Variants in TOR1A observed in about 807,000 individuals in gnomAD.
The protein encoded by TOR1A is torsin family 1 member A.
A neutral mutation model predicts 31.4 loss-of-function variants in TOR1A; 18 were observed. The ratio of observed to expected loss-of-function variants is 0.57; its 90% CI spans 0.40 to 0.85. The LOEUF is 0.85. TOR1A is among the 40% of genes least tolerant of loss of function. The probability of loss-of-function intolerance (pLI) is 0.00; values close to 1 mark genes in which losing one functional copy is unlikely to be tolerated. For missense variants in TOR1A, 375 were observed against 416.4 expected (o/e 0.90, Z 0.87); for synonymous variants, 168 against 165.9 (o/e 1.01, Z -0.10).
At position 129,813,029 on chromosome 9, in the gene TOR1A, T is replaced by A. The variant is rs1393737038; in HGVS notation, c.*943A>T. 6.6e-6 allele frequency: 1 copy of A among 152,234 alleles called. No individual in the cohort carries two copies. Among genetic ancestry groups the A allele is most frequent in the Admixed American group, 6.5e-5 (1 of 15,278 alleles). The allele number at this position is 152,234 out of a possible 1,614,324, so 9.4% of individuals were successfully genotyped here. On this transcript the variant is annotated 3_prime_UTR_variant, in exon 5 of 5. Transcript: ENST00000351698. Reference sequence around the variant, plus strand: ...TCTCAGCATCCTCAGAAGGGGCAGCTAAGCTTTATAGGAGGTTTCGGGGAT... The same window carrying A: ...TCTCAGCATCCTCAGAAGGGGCAGCAAAGCTTTATAGGAGGTTTCGGGGAT...
In TOR1A at chr9:129,823,914, G is replaced by A. The variant is rs763279296; in HGVS notation, c.172C>T (p.Arg58Trp). The A allele has an allele frequency of 1.7e-6, 2 of 1,191,422 alleles. No individual in the cohort carries two copies. Among genetic ancestry groups the A allele is most frequent in the Non-Finnish European group, 2.3e-6 (2 of 882,780 alleles). The allele number at this position is 1,191,422 out of a possible 1,614,324, so 73.8% of individuals were successfully genotyped here. Residue 58 changes from arginine (R) to tryptophan (W), a missense_variant, in exon 1 of 5, where the codon CGG (arginine) becomes TGG (tryptophan). By Grantham distance (101) the Arg-to-Trp change is moderately radical. Transcript: ENST00000351698. ...ECCGQKRSLS[R>W]EALQKDLDDN... is the part of the protein sequence containing the mutation. The stretch of plus-strand genomic sequence containing the variant: ...AGCCCCCGCCCCAGCCTACCCTCCC[G>A]GCTAAGGCTCCGCTTCTGCCCGCAG...
chr9:129,817,335 G>A (rs1457853970), intron 4 of TOR1A, among the ~76,000 whole-genome samples: 1 of 152,204 alleles, frequency 6.6e-6, no homozygotes, highest in African/African-American at 2.4e-5. Flanking sequence ...CTCCCCCTGA[G>A]CTGCCCACGG....
rs1260567316 is a variant in TOR1A, at chr9:129,813,975, A to G, written c.996T>C (p.Asp332=). The G allele has an allele frequency of 4.3e-6, 7 of 1,613,930 alleles. No individual in the cohort carries two copies. The highest frequency in any genetic ancestry group is 4.0e-5 in the African/African-American group (3 of 74,912). ...VFTKLDYYYD[D] ...CTCCGGCTGCCAATCATGACTGTCA[A>G]TCATCGTAGTAATAATCTAACTTGG... The change falls in exon 5 of 5, where the codon GAT becomes GAC. Residue 332 remains aspartate (D), a synonymous_variant. Transcript: ENST00000351698.
intron 4 of TOR1A, among the ~76,000 whole-genome samples, chr9:129,814,517 A>C (rs1164105240): frequency 6.6e-6 from 1 of 151,198 alleles, no homozygotes; most frequent in Non-Finnish European, 1.5e-5. Context: ...ACACATACCT[A>C]CTGGGTGTGC....
At position 129,818,806 on chromosome 9, in the gene TOR1A, G is replaced by A. The variant is rs374442953; in HGVS notation, c.559C>T (p.Leu187Phe). The A allele has an allele frequency of 1.2e-6, 2 of 1,613,566 alleles. No individual in the cohort carries two copies. The highest frequency in any genetic ancestry group is 2.7e-5 in the African/African-American group (2 of 74,930). ...CCATCCACCAGGTCATAATAGTCGA[G>A]GAAAGGCTTGATGGCATCTATGAGG... The part of the protein sequence containing the change: ...AGLIDAIKPF[L>F]DYYDLVDGVS... Residue 187 changes from leucine to phenylalanine, a missense_variant, in exon 3 of 5, where the codon CTC (leucine) becomes TTC (phenylalanine). By Grantham distance (22) the Leu-to-Phe change is conservative. Transcript: ENST00000351698.
chr9:129,819,768 C>T (rs2031135983), intron 2 of TOR1A, among the ~76,000 whole-genome samples: 2 of 145,846 alleles, frequency 1.4e-5, no homozygotes, highest in African/African-American at 5.1e-5. Flanking sequence ...AAAAAAAATA[C>T]AAAAATTAGC....
chr9:129,823,582 TC>T, intron 1 of TOR1A: 1 of 266,246 alleles, frequency 3.8e-6, no homozygotes, highest in Non-Finnish European at 7.0e-6. Context: ...CCTACTGCCA[TC>T]CCCCAGCCTC....
intron 4 of TOR1A, among the ~76,000 whole-genome samples, chr9:129,815,949 T>C (rs7026799): frequency 1 from 151,784 of 152,182 alleles, 75,693 homozygotes; most frequent in Middle Eastern, 1. Flanking sequence ...CTGTCCTCCA[T>C]CCAGTTGCCA....
chr9:129,817,129 C>T (rs1002691709), intron 4 of TOR1A, among the ~76,000 whole-genome samples: 1 of 152,122 alleles, frequency 6.6e-6, no homozygotes, highest in Non-Finnish European at 1.5e-5. Flanking sequence ...TCAGAGATAC[C>T]GAACAGGCTG....
chr9:129,823,299 G>A (rs2031234857), intron 1 of TOR1A: 1 of 299,202 alleles, frequency 3.3e-6, no homozygotes, highest in Non-Finnish European at 6.5e-6. Context: ...GCGCAAAGTA[G>A]GCCAACCTGC....
rs570337098 is a variant in TOR1A at position 129,819,342 on chromosome 9, G to A, written c.445-422C>T. ...TTTTATTTAAAAAGGGGGTGGGGTC[G>A]GGCATGGTGGCTCACACCTGTAATC... On this transcript the variant is annotated intron_variant, in intron 2 of 4. Transcript: ENST00000351698. Among the ~76,000 whole-genome samples, 38 of 152,254 alleles carry A rather than the reference G, an allele frequency of 2.5e-4. No homozygotes were observed. The South Asian group carries it at 6.8e-3, about 27-fold the overall frequency.
Position 129,813,766 on chromosome 9 carries a change from G to A in TOR1A, c.*206C>T, listed in dbSNP as rs2030957158. The A allele has an allele frequency of 6.9e-5, 47 of 683,136 alleles. No homozygotes were observed. The South Asian group carries it at 7.9e-4, about 12-fold the overall frequency. The allele number at this position is 683,136 out of a possible 1,614,324, so 42.3% of individuals were successfully genotyped here. A position where few individuals can be genotyped will look rare whatever the true frequency, so the allele number is the denominator to read the frequency against. On this transcript the variant is annotated 3_prime_UTR_variant, in exon 5 of 5. Coordinates refer to ENST00000351698, the MANE Select transcript of TOR1A (RefSeq NM_000113.3). The stretch of plus-strand genomic sequence containing the variant: ...TCCTTCCTTCTGTGCGTGTTCGGGA[G>A]GCTTCACGTCCTCGCCCGTGGTCCC...
rs2031210712 is a variant in TOR1A, at chr9:129,822,592, T to C, written c.433A>G (p.Thr145Ala). Residue 145 changes from threonine to alanine, a missense_variant, in exon 2 of 5, where the codon ACC (threonine) becomes GCC (alanine). By Grantham distance (58) the Thr-to-Ala change is moderately conservative. Transcript: ENST00000351698. ...ACTTCCATCCTTGCCTTGTACAAGG[T>C]GATGTTTGAAGCATGTGGAAAGTGC... ...TLHFPHASNI[T>A]LYKDQLQLWI... The C allele has an allele frequency of 3.1e-6, 5 of 1,613,904 alleles. No homozygotes were observed. Among genetic ancestry groups the C allele is most frequent in the Non-Finnish European group, 4.2e-6 (5 of 1,180,000 alleles).
chr9:129,818,707 C>G (rs761066543), intron 3 of TOR1A, 38 bp downstream of exon 3: 1 of 1,613,946 alleles, frequency 6.2e-7, no homozygotes, highest in South Asian at 1.1e-5. Context: ...GAGGCTTGGG[C>G]TCGGGGCCCA....
intron 4 of TOR1A, among the ~76,000 whole-genome samples, chr9:129,817,647 C>T (rs1307676781): frequency 2.0e-5 from 3 of 148,628 alleles, no homozygotes; most frequent in East Asian, 2.0e-4. Context: ...TGCAGTGAGC[C>T]GAGATCGCGC....
At chr9:129,817,331 C>A (rs1387631074) in intron 4 of TOR1A, among the ~76,000 whole-genome samples, 1 of 152,210 alleles carries the variant, frequency 6.6e-6, no homozygotes, top group Non-Finnish European at 1.5e-5. Context: ...ATCTCTCCCC[C>A]TGAGCTGCCC....
intron 4 of TOR1A, among the ~76,000 whole-genome samples, chr9:129,816,541 T>G (rs1292541686): frequency 2.0e-5 from 3 of 152,196 alleles, no homozygotes; most frequent in African/African-American, 7.2e-5. Context: ...ATTTCTGTGT[T>G]TGTTCACTGC....
At chr9:129,823,837 C>T in intron 1 of TOR1A, 71 bp downstream of exon 1, 9 of 1,518,770 alleles carry the variant, frequency 5.9e-6, no homozygotes, top group Non-Finnish European at 8.0e-6. Flanking sequence ...ATGCCCTGGT[C>T]CTAGTTCAGC....
At chr9:129,823,846 G>T in intron 1 of TOR1A, 62 bp downstream of exon 1, 1 of 1,526,004 alleles carries the variant, frequency 6.6e-7, no homozygotes, top group South Asian at 1.2e-5. Flanking sequence ...TCCTAGTTCA[G>T]CCCTAGTGCC....
Sources: allele counts gnomAD v4.1 joint callset (sites outside exome capture counted in the v4.1 genomes callset), GRCh38; gene constraint gnomAD v4.1.1; transcripts MANE v1.5; gene names NCBI Gene and HGNC (gene_info 2026-07-23, HGNC 2026-07-21).